CFAP61: variants seen among roughly 807,000 people sequenced by gnomAD.
The protein encoded by CFAP61 is cilia- and flagella-associated protein 61.
CFAP61 carries 107 observed loss-of-function variants against 135.6 expected under a neutral mutation model. The ratio of observed to expected loss-of-function variants is 0.79; its 90% CI spans 0.67 to 0.93. The LOEUF (loss-of-function observed/expected upper bound fraction) is 0.93, where lower values mean the gene tolerates loss of function less well. Ranked by LOEUF, CFAP61 falls within the 40% of genes least tolerant of loss-of-function variation. CFAP61 has a pLI of 0.00. For missense variants in CFAP61, 1,507 were observed against 1,556.2 expected, an observed-to-expected ratio of 0.97 and a Z score of 0.53; for synonymous variants, 575 against 578.5, an observed-to-expected ratio of 0.99 and a Z score of 0.09.
rs1157887161 is a variant in CFAP61, at chr20:20,077,360, A to G, written c.566+1745A>G. ...TGATTACACTTTTGTGATATACAAA[A>G]TGGGTGAAAAGCATCCACAGAGATA... is the stretch of plus-strand genomic sequence containing the variant. On this transcript the variant is annotated intron_variant, in intron 6 of 26. Transcript: ENST00000245957. Among the ~76,000 whole-genome samples the G allele has an allele frequency of 2.0e-5, 3 of 152,258 alleles. No individual in the cohort carries two copies. The East Asian group carries it at 5.8e-4, about 29-fold the overall frequency.
rs1208157861 is a variant in CFAP61, at chr20:20,295,991, C to CTCCTTCCT, written c.3217-2178_3217-2171dup. On this transcript the variant is annotated intron_variant, in intron 24 of 26. Coordinates refer to ENST00000245957, the MANE Select transcript of CFAP61 (RefSeq NM_015585.4). ...TGCACACCAACGCCTGCATGCTTCC[C>CTCCTTCCT]TCCTTCCTTCCTTCCTTCCCTCCTT... Among the ~76,000 whole-genome samples the CTCCTTCCT allele has an allele frequency of 2.2e-5, 2 of 89,012 alleles. 1 individual carries two copies. Among genetic ancestry groups the CTCCTTCCT allele is most frequent in the Non-Finnish European group, 5.1e-5 (2 of 39,218 alleles). The allele number at this position is 89,012 out of a possible 152,430, so 58.4% of individuals were successfully genotyped here. A position where few individuals can be genotyped will look rare whatever the true frequency, so the allele number is the denominator to read the frequency against.
intron 8 of CFAP61, among the ~76,000 whole-genome samples, chr20:20,106,032 AT>A (rs1448041365): frequency 2.5e-5 from 2 of 80,596 alleles, no homozygotes; most frequent in Non-Finnish European, 4.8e-5. Context: ...ATATATATAT[AT>A]ATATATATAT....
At chr20:20,345,950 G>A (rs1460435250) in intron 26 of CFAP61, among the ~76,000 whole-genome samples, 75 of 132,002 alleles carry the variant, frequency 5.7e-4, no homozygotes, top group African/African-American at 1.6e-3. Flanking sequence ...GCCGGACTGC[G>A]GACTGCAGTG....
In CFAP61 at chr20:20,142,931, A is replaced by G. The variant is rs1568994782; in HGVS notation, c.934A>G (p.Thr312Ala). ...GTTGCAGGAACCTGTCTCTCCAGATACCATGGAAAACATCCAGGTGAGAGA... is the reference window on the plus strand; with the variant it reads ...GTTGCAGGAACCTGTCTCTCCAGATGCCATGGAAAACATCCAGGTGAGAGA... ...EELQEPVSPD[T>A]MENIQGNIAR... is the part of the protein sequence containing the mutation. Residue 312 changes from threonine to alanine, a missense_variant, in exon 9 of 27, where the codon ACC becomes GCC. Thr to Ala is a moderately conservative substitution (Grantham distance 58). Coordinates refer to ENST00000245957, the MANE Select transcript of CFAP61 (RefSeq NM_015585.4). The G allele has an allele frequency of 6.3e-7, 1 of 1,590,140 alleles. No individual in the cohort carries two copies. Among genetic ancestry groups the G allele is most frequent in the East Asian group, 2.3e-5 (1 of 44,236 alleles).
rs146877760 is a variant in CFAP61 at position 20,176,684 on chromosome 20, G to A, written c.1385+7224G>A. ...GAACACATGAACACATGCGGGGGCC[G>A]GGAGCGGGGAACAACACACATTGGG... On this transcript the variant is annotated intron_variant, in intron 13 of 26. Coordinates refer to ENST00000245957, the MANE Select transcript of CFAP61 (RefSeq NM_015585.4). Among the ~76,000 whole-genome samples, 557 of 152,208 alleles carry A rather than the reference G, an allele frequency of 3.7e-3. 5 individuals carry two copies. The highest frequency in any genetic ancestry group is 0.012 in the African/African-American group (501 of 41,520).
intron 25 of CFAP61, among the ~76,000 whole-genome samples, chr20:20,304,917 C>T (rs2056374691): frequency 6.6e-6 from 1 of 152,142 alleles, no homozygotes; most frequent in Non-Finnish European, 1.5e-5. Flanking sequence ...AGAGAGGTCT[C>T]GCCTACAGAA....
At chr20:20,145,298 T>C (rs2051782570) in intron 9 of CFAP61, among the ~76,000 whole-genome samples, 2 of 152,228 alleles carry the variant, frequency 1.3e-5, no homozygotes, top group African/African-American at 4.8e-5. Context: ...AAGGTTCTTA[T>C]ATCTAAAGTG....
intron 9 of CFAP61, among the ~76,000 whole-genome samples, chr20:20,150,713 A>T (rs573648111): frequency 6.6e-6 from 1 of 152,316 alleles, no homozygotes; most frequent in Non-Finnish European, 1.5e-5. Flanking sequence ...AGACCTGAAG[A>T]TAGATTGTAT....
chr20:20,355,041 G>GAGGTGGTCGCACTGTGAGAGGGA (rs2059020740), intron 26 of CFAP61, among the ~76,000 whole-genome samples: 1 of 78,334 alleles, frequency 1.3e-5, no homozygotes. Context: ...ACACTGAGGG[G>GAGGTGGTCGCACTGTGAGAGGGA]AGGTGGTCAC....
chr20:20,293,744 C>T (rs767317300), intron 24 of CFAP61, among the ~76,000 whole-genome samples: 9 of 152,172 alleles, frequency 5.9e-5, no homozygotes, highest in African/African-American at 1.2e-4. Flanking sequence ...GACCCCAAGT[C>T]GTCTACATAA....
In CFAP61 at chr20:20,263,004, G is replaced by A. The variant is rs149798734; in HGVS notation, c.2377G>A (p.Glu793Lys). The A allele has an allele frequency of 1.2e-6, 2 of 1,613,728 alleles. No homozygotes were observed. The highest frequency in any genetic ancestry group is 1.3e-5 in the African/African-American group (1 of 74,844). The stretch of plus-strand genomic sequence containing the variant: ...TATTAGTCAACACCTGACAAACAGG[G>A]AGGTTCCCAACAGCAGTCAGCGGCG... ...ADISQHLTNR[E>K]VPNSSQRRYT... is the part of the protein sequence containing the mutation. Residue 793 changes from glutamate to lysine, a missense_variant, in exon 21 of 27, where the codon GAG becomes AAG. Glu to Lys is a moderately conservative substitution (Grantham distance 56). Transcript: ENST00000245957.
chr20:20,181,655 G>C (rs753800672), intron 13 of CFAP61, among the ~76,000 whole-genome samples: 4 of 152,108 alleles, frequency 2.6e-5, no homozygotes, highest in Non-Finnish European at 5.9e-5. Flanking sequence ...GTAAAGCCTT[G>C]GGAAGCCCTC....
At chr20:20,062,723 T>G (rs547412318) in intron 2 of CFAP61, among the ~76,000 whole-genome samples, 2 of 152,228 alleles carry the variant, frequency 1.3e-5, no homozygotes, top group Non-Finnish European at 2.9e-5. Context: ...CACAATCCTT[T>G]AACTAAATCC....
intron 25 of CFAP61, among the ~76,000 whole-genome samples, chr20:20,333,983 A>T (rs2058088369): frequency 6.6e-6 from 1 of 152,120 alleles, no homozygotes; most frequent in South Asian, 2.1e-4. Flanking sequence ...GACAACACAC[A>T]TCATGCTGGT....
intron 25 of CFAP61, among the ~76,000 whole-genome samples, chr20:20,303,662 T>A (rs1195680221): frequency 6.6e-6 from 1 of 152,136 alleles, no homozygotes; most frequent in Admixed American, 6.5e-5. Flanking sequence ...ATGGTTGAGC[T>A]GATTTTGGCC....
intron 16 of CFAP61, among the ~76,000 whole-genome samples, chr20:20,198,409 C>T (rs2056427153): frequency 6.6e-6 from 1 of 152,186 alleles, no homozygotes; most frequent in Non-Finnish European, 1.5e-5. Context: ...AATGTTTATA[C>T]ATTTACCTCA....
At chr20:20,093,349 G>T (rs2047337843) in intron 7 of CFAP61, among the ~76,000 whole-genome samples, 1 of 152,076 alleles carries the variant, frequency 6.6e-6, no homozygotes, top group South Asian at 2.1e-4. Flanking sequence ...TTGGTTGGTG[G>T]GGGGATGAAA....
At chr20:20,122,577 G>C (rs907113920) in intron 8 of CFAP61, among the ~76,000 whole-genome samples, 17 of 152,176 alleles carry the variant, frequency 1.1e-4, no homozygotes, top group South Asian at 2.1e-4. Context: ...ATCTCATCCA[G>C]GTAGCTGCAA....
At chr20:20,335,190 T>C (rs571433149) in intron 25 of CFAP61, among the ~76,000 whole-genome samples, 3 of 152,296 alleles carry the variant, frequency 2.0e-5, no homozygotes, top group East Asian at 1.9e-4. Flanking sequence ...TGGGTTTTTT[T>C]CCCCAGAGTG....
Sources: allele counts gnomAD v4.1 joint callset (sites outside exome capture counted in the v4.1 genomes callset), GRCh38; gene constraint gnomAD v4.1.1; transcripts MANE v1.5; gene names NCBI Gene and HGNC (gene_info 2026-07-23, HGNC 2026-07-21).